The following TMEM132D variants were observed in gnomAD, a reference collection of about 807,000 sequenced individuals.
The protein encoded by TMEM132D is mature OL transmembrane protein.
A neutral mutation model predicts 62.3 loss-of-function variants in TMEM132D; 21 were observed. That is an observed-to-expected ratio of 0.34 (90% CI 0.24 to 0.49). The LOEUF is 0.49. Among genes scored for constraint, TMEM132D ranks in the 20% least tolerant of loss-of-function variants. The pLI is 0.99. For missense variants in TMEM132D, 1,346 were observed against 1,402.8 expected, an observed-to-expected ratio of 0.96 and a Z score of 0.65; for synonymous variants, 621 against 575.6, an observed-to-expected ratio of 1.08 and a Z score of -1.13.
intron 1 of TMEM132D, among the ~76,000 whole-genome samples, chr12:129,873,976 T>C (rs111918520): frequency 3.9e-5 from 6 of 152,286 alleles, no homozygotes; most frequent in South Asian, 4.1e-4. Context: ...TTTGATTCCA[T>C]GATCTACCAC....
intron 3 of TMEM132D, among the ~76,000 whole-genome samples, chr12:129,384,392 T>C (rs916227475): frequency 6.6e-6 from 1 of 151,976 alleles, no homozygotes; most frequent in African/African-American, 2.4e-5. Flanking sequence ...ATAAACAACA[T>C]TAGGCAGAAC....
intron 3 of TMEM132D, among the ~76,000 whole-genome samples, chr12:129,376,417 G>T (rs1870781882): frequency 6.6e-6 from 1 of 152,192 alleles, no homozygotes; most frequent in Non-Finnish European, 1.5e-5. Context: ...AAAGCCACCA[G>T]ATCTCATGAG....
chr12:129,653,477 T>C (rs1186550215), intron 2 of TMEM132D, among the ~76,000 whole-genome samples: 2 of 152,228 alleles, frequency 1.3e-5, no homozygotes, highest in African/African-American at 4.8e-5. Context: ...TCTTTGAGGC[T>C]AACTGATAAG....
chr12:129,189,577 G>A (rs1037394430), intron 5 of TMEM132D, among the ~76,000 whole-genome samples: 3 of 152,112 alleles, frequency 2.0e-5, no homozygotes, highest in East Asian at 1.9e-4. Context: ...CCCAGGGTGC[G>A]TGAGGTCCAT....
Position 129,540,801 on chromosome 12 carries a change from T to C in TMEM132D, c.969-9596A>G, listed in dbSNP as rs114788506. ...CACCATGCCAGCCTCATTCAACAAA[T>C]ACTTTAATTTCTTTGCAAAGATGGG... On this transcript the variant is annotated intron_variant, in intron 2 of 8. Transcript: ENST00000422113. 1.8e-3 allele frequency among the ~76,000 whole-genome samples: 281 copies of C among 152,268 alleles called. 2 individuals carry two copies. The highest frequency in any genetic ancestry group is 6.2e-3 in the African/African-American group (259 of 41,558).
intron 3 of TMEM132D, among the ~76,000 whole-genome samples, chr12:129,445,951 A>G (rs1873084658): frequency 6.6e-6 from 1 of 152,054 alleles, no homozygotes; most frequent in South Asian, 2.1e-4. Context: ...ATCCCCGGGG[A>G]GGTGTAGACC....
intron 3 of TMEM132D, among the ~76,000 whole-genome samples, chr12:129,484,728 C>A (rs7967472): frequency 0.016 from 2,501 of 152,296 alleles, 75 homozygotes; most frequent in African/African-American, 0.056. Flanking sequence ...AAGGCATGCT[C>A]TCCATGGAAA....
chr12:129,357,456 C>T (rs1337284291), intron 3 of TMEM132D, among the ~76,000 whole-genome samples: 5 of 128,232 alleles, frequency 3.9e-5, no homozygotes, highest in East Asian at 4.5e-4. Context: ...AAAAAGCGAG[C>T]GAGCAAGCAG....
At chr12:129,482,763 A>T (rs11060373) in intron 3 of TMEM132D, among the ~76,000 whole-genome samples, 18,670 of 151,778 alleles carry the variant, frequency 0.12, 1,306 homozygotes, top group East Asian at 0.19. Context: ...TTTTAAATAC[A>T]ACATCTTTTT....
chr12:129,648,620 AT>A (rs1437886489), intron 2 of TMEM132D, among the ~76,000 whole-genome samples: 5 of 152,342 alleles, frequency 3.3e-5, no homozygotes, highest in Non-Finnish European at 7.3e-5. Flanking sequence ...GCATTAAAAA[AT>A]ATTTATTGAT....
At chr12:129,083,879 C>T (rs1286803551) in intron 6 of TMEM132D, among the ~76,000 whole-genome samples, 3 of 152,168 alleles carry the variant, frequency 2.0e-5, no homozygotes, top group Non-Finnish European at 4.4e-5. Flanking sequence ...GGTGGAGACT[C>T]CTGGGACTCT....
chr12:129,244,067 G>A (rs1283677439), intron 4 of TMEM132D, among the ~76,000 whole-genome samples: 3 of 152,150 alleles, frequency 2.0e-5, no homozygotes, highest in Admixed American at 1.3e-4. Flanking sequence ...GCAACAGTGA[G>A]GGAAATGAGC....
chr12:129,126,632 G>A (rs941028311), intron 5 of TMEM132D, among the ~76,000 whole-genome samples: 8 of 152,294 alleles, frequency 5.3e-5, no homozygotes, highest in Non-Finnish European at 1.2e-4. Context: ...GGAATAAACA[G>A]TAACATACAT....
intron 5 of TMEM132D, among the ~76,000 whole-genome samples, chr12:129,103,080 C>T (rs981957042): frequency 1.3e-5 from 2 of 152,184 alleles, no homozygotes; most frequent in Non-Finnish European, 2.9e-5. Flanking sequence ...CCCTTCCATG[C>T]TCTGTTTTGT....
chr12:129,075,130 A>G (rs1874210714), intron 8 of TMEM132D, 71 bp from the exon 9 acceptor site: 2 of 1,305,842 alleles, frequency 1.5e-6, no homozygotes, highest in African/African-American at 2.9e-5. Context: ...TTAGTACAGT[A>G]GACACACAAC....
At chr12:129,251,231 C>T (rs1161389325) in intron 4 of TMEM132D, among the ~76,000 whole-genome samples, 4 of 151,720 alleles carry the variant, frequency 2.6e-5, no homozygotes, top group African/African-American at 7.3e-5. Flanking sequence ...TGGTAGTGTG[C>T]GCCTGTAATC....
intron 2 of TMEM132D, among the ~76,000 whole-genome samples, chr12:129,591,451 T>C (rs1266580999): frequency 6.6e-6 from 1 of 152,124 alleles, no homozygotes; most frequent in African/African-American, 2.4e-5. Context: ...GCTTCATACA[T>C]TCCATTCTTT....
intron 3 of TMEM132D, among the ~76,000 whole-genome samples, chr12:129,432,311 ATGGATGCT>A (rs1188420039): frequency 1.3e-5 from 2 of 148,688 alleles, no homozygotes; most frequent in African/African-American, 5.1e-5. Flanking sequence ...GGATGGATGG[ATGGATGCT>A]TGGATGGATG....
chr12:129,747,643 C>T (rs531212646), intron 1 of TMEM132D, among the ~76,000 whole-genome samples: 1 of 150,332 alleles, frequency 6.7e-6, no homozygotes, highest in East Asian at 2.0e-4. Context: ...CAGTCAGATA[C>T]ATACACCAGA....
Sources: gnomAD v4.1 joint callset for allele counts (sites outside exome capture counted in the v4.1 genomes callset) on GRCh38, gnomAD v4.1.1 for gene constraint, MANE v1.5 for transcripts, NCBI Gene and HGNC (gene_info 2026-07-23, HGNC 2026-07-21) for gene names.